The following DMD variants were observed in gnomAD, a reference collection of about 807,000 sequenced individuals.
The protein encoded by DMD is dystrophin, also known as mutant dystrophin.
DMD carries 63 observed loss-of-function variants against 330.1 expected under a neutral mutation model. That is an observed-to-expected ratio of 0.19 (90% confidence interval 0.16 to 0.24). DMD has a LOEUF of 0.24. Among genes scored for constraint, DMD ranks in the 10% least tolerant of loss-of-function variants. The probability of loss-of-function intolerance (pLI) is 1.00; values close to 1 mark genes in which losing one functional copy is unlikely to be tolerated. For synonymous variants in DMD, 1,223 were observed against 959.8 expected (o/e 1.27, Z -5.07); for missense variants, 3,344 against 2,684.1 (o/e 1.25, Z -5.43).
chrX:32,876,350 C>T (rs1478273716), intron 2 of DMD, among the ~76,000 whole-genome samples: 1 of 111,883 alleles, frequency 8.9e-6, no homozygotes, highest in African/African-American at 3.3e-5. Context: ...TGACAGTTAT[C>T]CAATTTAGTC....
At chrX:31,338,309 C>CAA (rs752828727) in intron 61 of DMD, among the ~76,000 whole-genome samples, 20 of 53,354 alleles carry the variant, frequency 3.7e-4, no homozygotes, top group Admixed American at 1.8e-3. Flanking sequence ...AGTAAAAATA[C>CAA]AAAAAAAAAA....
intron 53 of DMD, among the ~76,000 whole-genome samples, chrX:31,672,028 T>C (rs1217311463): frequency 8.9e-6 from 1 of 112,041 alleles, no homozygotes; most frequent in African/African-American, 3.2e-5. Flanking sequence ...TTTTTAAATA[T>C]AGGTATTTAT....
At chrX:32,816,156 G>A (rs1032861592) in intron 6 of DMD, among the ~76,000 whole-genome samples, 1 of 111,172 alleles carries the variant, frequency 9.0e-6, no homozygotes, top group African/African-American at 3.3e-5. Flanking sequence ...ACCATTCTCG[G>A]CAAAGTTAGA....
At chrX:33,026,254 G>T (rs1215990331) in intron 1 of DMD, among the ~76,000 whole-genome samples, 1 of 93,364 alleles carries the variant, frequency 1.1e-5, no homozygotes, top group Non-Finnish European at 2.1e-5. Flanking sequence ...GGCGCAACTT[G>T]CAGTGAGCCA....
intron 1 of DMD, among the ~76,000 whole-genome samples, chrX:33,115,256 A>ACACTC (rs1427142254): frequency 8.9e-6 from 1 of 112,064 alleles, no homozygotes; most frequent in African/African-American, 3.2e-5. Flanking sequence ...TCAGGGATAT[A>ACACTC]CACTCCACAT....
intron 15 of DMD, among the ~76,000 whole-genome samples, chrX:32,567,958 C>G (rs1486341711): frequency 9.0e-6 from 1 of 111,574 alleles, no homozygotes; most frequent in Non-Finnish European, 1.9e-5. Context: ...GACTTACTTA[C>G]TCAGAATGTT....
chrX:31,577,606 G>A (rs1279790316), intron 55 of DMD, among the ~76,000 whole-genome samples: 1 of 112,415 alleles, frequency 8.9e-6, no homozygotes, highest in Non-Finnish European at 1.9e-5. Flanking sequence ...AGGACAAAGA[G>A]AAAGGATTCT....
chrX:32,484,286 ATGTAT>A (rs2042208338), intron 21 of DMD, among the ~76,000 whole-genome samples: 1 of 112,168 alleles, frequency 8.9e-6, no homozygotes, highest in African/African-American at 3.2e-5. Context: ...AGCAGATACT[ATGTAT>A]TAACATCATC....
At chrX:32,816,380 G>T (rs1277764446) in intron 6 of DMD, 88 bp downstream of exon 6, 3 of 1,023,735 alleles carry the variant, frequency 2.9e-6, no homozygotes, top group Non-Finnish European at 4.1e-6. Context: ...AGTAGGACAT[G>T]ATCTGGAACC....
At chrX:32,745,060 C>A (rs180793870) in intron 7 of DMD, among the ~76,000 whole-genome samples, 31 of 111,764 alleles carry the variant, frequency 2.8e-4, no homozygotes, top group African/African-American at 8.1e-4. Context: ...ATTGTTATTG[C>A]AGACTAACAA....
At chrX:32,737,162 A>T (rs563108782) in intron 7 of DMD, among the ~76,000 whole-genome samples, 1 of 110,398 alleles carries the variant, frequency 9.1e-6, no homozygotes, top group Non-Finnish European at 1.9e-5. Context: ...TAAAATCTAT[A>T]TAATTTTTTT....
At chrX:31,580,559 C>T (rs748918973) in intron 55 of DMD, among the ~76,000 whole-genome samples, 4 of 112,035 alleles carry the variant, frequency 3.6e-5, no homozygotes, top group Non-Finnish European at 7.5e-5. Context: ...TTTTAAGCTA[C>T]TGAGTTTTGA....
chrX:31,824,269 C>CT (rs753735260), intron 49 of DMD, among the ~76,000 whole-genome samples: 1,719 of 101,968 alleles, frequency 0.017, 21 homozygotes, highest in Non-Finnish European at 0.028. Context: ...GGATTTTTTT[C>CT]TTTTTTTTTT....
At chrX:32,771,181 T>C (rs2073556547) in intron 7 of DMD, among the ~76,000 whole-genome samples, 1 of 111,994 alleles carries the variant, frequency 8.9e-6, no homozygotes, top group Admixed American at 9.5e-5. Context: ...TAGCTTTATC[T>C]CCAGTGAAAC....
intron 29 of DMD, among the ~76,000 whole-genome samples, chrX:32,429,556 T>C (rs773744928): frequency 6.2e-4 from 67 of 108,647 alleles, no homozygotes; most frequent in African/African-American, 2.2e-3. Flanking sequence ...TTTCTATTTT[T>C]CTACCATCTT....
chrX:32,340,940 T>G (rs1321308364), intron 41 of DMD, among the ~76,000 whole-genome samples: 1 of 111,919 alleles, frequency 8.9e-6, no homozygotes. Context: ...AACTTTAGGG[T>G]ATTAGATTTA....
rs771107490 is a variant in DMD, at chrX:32,461,122, TTA to T, written c.3432+2315_3432+2316del. Among the ~76,000 whole-genome samples the T allele has an allele frequency of 8.0e-5, 9 of 112,051 alleles. No individual in the cohort carries two copies. In the East Asian group the frequency reaches 2.2e-3, roughly 28 times the overall value. ...TTTGGACAATTTTGTTTCAAATTATTTATGTTTTCGCAGACATTGGCATCTGG... is the reference window on the plus strand; with the variant it reads ...TTTGGACAATTTTGTTTCAAATTATTTGTTTTCGCAGACATTGGCATCTGG... On this transcript the variant is annotated intron_variant, in intron 25 of 78. Transcript: ENST00000357033.
At position 32,189,313 on chromosome X, in the gene DMD, A is replaced by G. The variant is rs1569549696; in HGVS notation, c.6438+27603T>C. 2.8e-5 allele frequency among the ~76,000 whole-genome samples: 3 copies of G among 107,877 alleles called. 1 individual carries two copies. Among genetic ancestry groups the G allele is most frequent in the East Asian group, 5.8e-4 (2 of 3,442 alleles). 93.7% of individuals were successfully genotyped at this position (107,877 alleles called of 115,157 possible). On this transcript the variant is annotated intron_variant, in intron 44 of 78. Coordinates refer to ENST00000357033, the MANE Select transcript of DMD (RefSeq NM_004006.3). ...AATTTGAAAACTTTGAAAAATAAAA[A>G]TTTGATAATTTTTAACGTTGACAAT...
At chrX:32,765,220 A>AT (rs747035634) in intron 7 of DMD, among the ~76,000 whole-genome samples, 2 of 110,854 alleles carry the variant, frequency 1.8e-5, no homozygotes, top group East Asian at 5.7e-4. Flanking sequence ...GTAATCCCCA[A>AT]TGTTGGAGTT....
Sources: gnomAD v4.1 joint callset for allele counts (sites outside exome capture counted in the v4.1 genomes callset) on GRCh38, gnomAD v4.1.1 for gene constraint, MANE v1.5 for transcripts, NCBI Gene and HGNC (gene_info 2026-07-23, HGNC 2026-07-21) for gene names.